The following RNPC3 variants were observed in gnomAD, a reference collection of about 807,000 sequenced individuals.
RNPC3 encodes RNA binding region (RNP1, RRM) containing 3.
RNPC3 carries 48 observed loss-of-function variants against 67.5 expected under a neutral mutation model. That is an observed-to-expected ratio of 0.71 (90% CI 0.56 to 0.90). The LOEUF is 0.90. Among genes scored for constraint, RNPC3 ranks in the 40% least tolerant of loss-of-function variants. The pLI, the probability that RNPC3 is intolerant of heterozygous loss-of-function variation, is 0.00. For synonymous variants in RNPC3, 239 were observed against 210.3 expected (o/e 1.14, Z -1.18); for missense variants, 637 against 626.1 (o/e 1.02, Z -0.19).
chr1:103,550,526 A>G (rs1365810966), intron 12 of RNPC3, among the ~76,000 whole-genome samples: 3 of 151,534 alleles, frequency 2.0e-5, no homozygotes, highest in Non-Finnish European at 4.4e-5. Flanking sequence ...CTGGAGCCCC[A>G]GCTACTTGGG....
intron 2 of RNPC3, among the ~76,000 whole-genome samples, chr1:103,532,897 G>A (rs1473184633): frequency 1.3e-5 from 2 of 152,052 alleles, no homozygotes; most frequent in Non-Finnish European, 2.9e-5. Flanking sequence ...TAGGCAGAGA[G>A]GAGTTGTAGA....
At chr1:103,533,285 C>T (rs1159193425) in intron 2 of RNPC3, among the ~76,000 whole-genome samples, 1 of 151,958 alleles carries the variant, frequency 6.6e-6, no homozygotes, top group African/African-American at 2.4e-5. Flanking sequence ...AGGTGCTAAG[C>T]TAACGGAATA....
chr1:103,531,499 C>G (rs1290383162), intron 2 of RNPC3, among the ~76,000 whole-genome samples: 1 of 152,138 alleles, frequency 6.6e-6, no homozygotes, highest in Middle Eastern at 3.2e-3. Context: ...ACATATTCTG[C>G]CAACATCTAT....
Position 103,543,489 on chromosome 1 carries a change from T to C in RNPC3, c.1045+42T>C, listed in dbSNP as rs187029677. 1.7e-3 allele frequency: 2,204 copies of C among 1,312,812 alleles called. 2 individuals carry two copies. Among genetic ancestry groups the C allele is most frequent in the Non-Finnish European group, 2.0e-3 (2,050 of 1,004,104 alleles). The allele number at this position is 1,312,812 out of a possible 1,614,324, so 81.3% of individuals were successfully genotyped here. ...TATTTCACATGCTGAAATCAACTTA[T>C]TGTGTTAGAATTAAGTTTTACATAT... On this transcript the variant is annotated intron_variant, in intron 9 of 14. Transcript: ENST00000423855.
intron 7 of RNPC3, among the ~76,000 whole-genome samples, chr1:103,538,001 G>T (rs1443883121): frequency 2.0e-5 from 3 of 151,768 alleles, no homozygotes; most frequent in Admixed American, 2.0e-4. Context: ...GTGCCACCAT[G>T]CCTGGATAAA....
In RNPC3 at chr1:103,533,925, T is replaced by C. The variant is rs1332923042; in HGVS notation, c.359+68T>C. On this transcript the variant is annotated intron_variant, in intron 3 of 14. Coordinates refer to ENST00000423855, the MANE Select transcript of RNPC3 (RefSeq NM_017619.4). Reference sequence around the variant, plus strand: ...AGTGTGTGTTTTTTTAAATCAGTTATACAGTTATTGTATTGTTTTCAGACT... The same window carrying C: ...AGTGTGTGTTTTTTTAAATCAGTTACACAGTTATTGTATTGTTTTCAGACT... 8.5e-6 allele frequency: 7 copies of C among 828,270 alleles called. No individual in the cohort carries two copies. The East Asian group carries it at 1.3e-4, about 16-fold the overall frequency. 51.3% of individuals were successfully genotyped at this position (828,270 alleles called of 1,614,324 possible). A position where few individuals can be genotyped will look rare whatever the true frequency, so the allele number is the denominator to read the frequency against.
intron 12 of RNPC3, among the ~76,000 whole-genome samples, chr1:103,548,300 C>A (rs1430320204): frequency 6.6e-6 from 1 of 152,142 alleles, no homozygotes; most frequent in Non-Finnish European, 1.5e-5. Context: ...ATTTTCCGAA[C>A]TTTTATGCTG....
intron 2 of RNPC3, among the ~76,000 whole-genome samples, chr1:103,532,750 T>C (rs779344981): frequency 1.3e-5 from 2 of 152,050 alleles, no homozygotes; most frequent in Non-Finnish European, 2.9e-5. Context: ...GAAGGAGTGA[T>C]TAACTATGTT....
At chr1:103,542,884 G>A (rs189497456) in intron 8 of RNPC3, among the ~76,000 whole-genome samples, 1 of 151,590 alleles carries the variant, frequency 6.6e-6, no homozygotes, top group East Asian at 1.9e-4. Flanking sequence ...TCTTTTCATG[G>A]TTTTAATGTG....
rs768992862 is a variant in RNPC3, at chr1:103,536,192, A to G, written c.622A>G (p.Met208Val). Residue 208 changes from methionine to valine, a missense_variant and splice_region_variant, in exon 6 of 15, where the codon ATG (methionine) becomes GTG (valine). Coordinates refer to ENST00000423855, the MANE Select transcript of RNPC3 (RefSeq NM_017619.4). ...PFGPITARPPMYEDYMPLHAP... is the reference protein window; with the variant it reads ...PFGPITARPPVYEDYMPLHAP... ...TGGACCAATTACTGCGCGACCTCCC[A>G]TGGTAAGAAAACTCTTAGAATTTTC... 4 of 1,534,542 alleles carry G rather than the reference A, an allele frequency of 2.6e-6. No homozygotes were observed. Among genetic ancestry groups the G allele is most frequent in the East Asian group, 2.4e-5 (1 of 40,856 alleles).
chr1:103,539,405 T>C (rs1366754984), intron 7 of RNPC3, among the ~76,000 whole-genome samples: 1 of 152,264 alleles, frequency 6.6e-6, no homozygotes, highest in Non-Finnish European at 1.5e-5. Flanking sequence ...GTGAATACAC[T>C]ATCTGTCTTA....
chr1:103,531,639 T>A (rs1650860785), intron 2 of RNPC3, among the ~76,000 whole-genome samples: 1 of 152,196 alleles, frequency 6.6e-6, no homozygotes, highest in Non-Finnish European at 1.5e-5. Context: ...CATTTGTGTA[T>A]CTTATTTTGA....
intron 7 of RNPC3, among the ~76,000 whole-genome samples, chr1:103,538,936 A>C (rs1403139153): frequency 1.3e-5 from 2 of 152,210 alleles, no homozygotes; most frequent in Non-Finnish European, 2.9e-5. Context: ...GGAATTGCCA[A>C]ACTGTTTCTT....
chr1:103,544,860 A>G (rs1471018653), intron 9 of RNPC3, 81 bp from the exon 10 acceptor site: 4 of 777,506 alleles, frequency 5.1e-6, no homozygotes, highest in African/African-American at 1.8e-5. Context: ...ATATTATTGA[A>G]TATAAAATAG....
chr1:103,544,024 T>C (rs1299570050), intron 9 of RNPC3, among the ~76,000 whole-genome samples: 1 of 151,760 alleles, frequency 6.6e-6, no homozygotes, highest in Non-Finnish European at 1.5e-5. Context: ...TTTTGAAATT[T>C]CTGAAATAAT....
rs139179297 is a variant in RNPC3 at position 103,543,995 on chromosome 1, T to C, written c.1045+548T>C. 2.0e-5 allele frequency among the ~76,000 whole-genome samples: 3 copies of C among 151,888 alleles called. No individual in the cohort carries two copies. The East Asian group carries it at 5.8e-4, about 29-fold the overall frequency. The stretch of plus-strand genomic sequence containing the variant: ...GAACTTGATGATATAATGGTGTTCT[T>C]TTGTTCTTTAAGTCTTTATTTTGAA... On this transcript the variant is annotated intron_variant, in intron 9 of 14. Coordinates refer to ENST00000423855, the MANE Select transcript of RNPC3 (RefSeq NM_017619.4).
chr1:103,550,923 A>C lies in RNPC3; in HGVS notation c.1362-18A>C, dbSNP rs1420671129. 6.2e-7 allele frequency: 1 copy of C among 1,607,624 alleles called. No homozygotes were observed. ...TGAAACTGACATTCTTTGAATCAAAACTGTTTCTTCCTTCTAGGTTTGATA... is the reference window on the plus strand; with the variant it reads ...TGAAACTGACATTCTTTGAATCAAACCTGTTTCTTCCTTCTAGGTTTGATA... On this transcript the variant is annotated intron_variant, in intron 12 of 14. Transcript: ENST00000423855.
At chr1:103,526,286 C>T (rs1650705899) in intron 1 of RNPC3, 24 bp downstream of exon 1, 12 of 1,506,100 alleles carry the variant, frequency 8.0e-6, no homozygotes, top group Non-Finnish European at 8.9e-6. Flanking sequence ...CCTCCGGAGT[C>T]TCCCGGGAAG....
chr1:103,530,502 G>T (rs1301129462), intron 2 of RNPC3, among the ~76,000 whole-genome samples: 1 of 152,164 alleles, frequency 6.6e-6, no homozygotes, highest in Non-Finnish European at 1.5e-5. Flanking sequence ...ACTGTGACTG[G>T]AGCAGACATA....
Sources: allele counts gnomAD v4.1 joint callset (sites outside exome capture counted in the v4.1 genomes callset), GRCh38; gene constraint gnomAD v4.1.1; transcripts MANE v1.5; gene names NCBI Gene and HGNC (gene_info 2026-07-23, HGNC 2026-07-21).